PIP5K1B: variants seen among roughly 807,000 people sequenced by gnomAD.
PIP5K1B encodes phosphatidylinositol 4-phosphate 5-kinase type-1 beta.
PIP5K1B carries 42 observed loss-of-function variants against 67.0 expected under a neutral mutation model. The observed-to-expected ratio is 0.63, with a 90% CI of 0.49 to 0.81. The LOEUF (loss-of-function observed/expected upper bound fraction) is 0.81, where lower values mean the gene tolerates loss of function less well. Ranked by LOEUF, PIP5K1B falls within the 30% of genes least tolerant of loss-of-function variation. The probability of loss-of-function intolerance (pLI) is 0.00; values close to 1 mark genes in which losing one functional copy is unlikely to be tolerated. For synonymous variants in PIP5K1B, 214 were observed against 231.4 expected (o/e 0.92, Z 0.68); for missense variants, 459 against 646.3 (o/e 0.71, Z 3.14).
intron 14 of PIP5K1B, among the ~76,000 whole-genome samples, chr9:68,980,788 A>G (rs1052625762): frequency 9.2e-5 from 14 of 152,150 alleles, no homozygotes; most frequent in Non-Finnish European, 1.9e-4. Context: ...TCTTCCCCAC[A>G]TGACAGTTTC....
intron 4 of PIP5K1B, among the ~76,000 whole-genome samples, chr9:68,833,632 G>C (rs1427179105): frequency 6.6e-6 from 1 of 151,890 alleles, no homozygotes; most frequent in Admixed American, 6.5e-5. Flanking sequence ...GAAGCCCTGA[G>C]TTAGAGAAAT....
intron 1 of PIP5K1B, among the ~76,000 whole-genome samples, chr9:68,717,407 A>G (rs1827684440): frequency 6.6e-6 from 1 of 152,204 alleles, no homozygotes; most frequent in Admixed American, 6.5e-5. Context: ...AATAAGAGAA[A>G]AATACCAACT....
intron 14 of PIP5K1B, among the ~76,000 whole-genome samples, chr9:68,979,815 C>G (rs911093817): frequency 2.6e-5 from 4 of 152,200 alleles, no homozygotes; most frequent in Non-Finnish European, 5.9e-5. Context: ...GCCTGCTGCT[C>G]TGCTGCCTTC....
chr9:68,757,858 G>A (rs1025756193), intron 2 of PIP5K1B, among the ~76,000 whole-genome samples: 3 of 152,072 alleles, frequency 2.0e-5, no homozygotes, highest in Non-Finnish European at 2.9e-5. Flanking sequence ...CTCTGCCACC[G>A]AGTGCAGCTA....
intron 2 of PIP5K1B, among the ~76,000 whole-genome samples, chr9:68,815,195 C>G (rs1833375134): frequency 6.6e-6 from 1 of 151,122 alleles, no homozygotes; most frequent in Non-Finnish European, 1.5e-5. Context: ...AAGAACATTT[C>G]ACATCAAAAC....
chr9:68,883,862 A>G (rs1294745636), intron 6 of PIP5K1B, among the ~76,000 whole-genome samples: 1 of 152,162 alleles, frequency 6.6e-6, no homozygotes, highest in African/African-American at 2.4e-5. Flanking sequence ...CCTATAGTCA[A>G]TAGACTTTTG....
intron 7 of PIP5K1B, among the ~76,000 whole-genome samples, chr9:68,889,862 G>T (rs1229693465): frequency 6.6e-6 from 1 of 152,100 alleles, no homozygotes; most frequent in Non-Finnish European, 1.5e-5. Context: ...TTTGCAGCCA[G>T]TACGCAGTAA....
At chr9:68,956,196 C>G (rs544033129) in intron 14 of PIP5K1B, among the ~76,000 whole-genome samples, 19 of 152,302 alleles carry the variant, frequency 1.2e-4, no homozygotes, top group African/African-American at 4.1e-4. Flanking sequence ...ATAGGCCGGG[C>G]AAGGTGGCTC....
rs150243340 is a variant in PIP5K1B, at chr9:68,944,010, T to G, written c.1502+3220T>G. ...AAAAACTCTGATAGCAACCCATTCT[T>G]TTTTTAATGTACTCCAAAAATTGGC... On this transcript the variant is annotated intron_variant, in intron 14 of 15. Coordinates refer to ENST00000265382, the MANE Select transcript of PIP5K1B (RefSeq NM_003558.4). Among the ~76,000 whole-genome samples the G allele has an allele frequency of 1.7e-3, 266 of 152,328 alleles. 2 individuals carry two copies. The highest frequency in any genetic ancestry group is 6.0e-3 in the African/African-American group (250 of 41,572).
chr9:68,974,796 C>G (rs1192781995), intron 14 of PIP5K1B, among the ~76,000 whole-genome samples: 1 of 152,206 alleles, frequency 6.6e-6, no homozygotes, highest in Non-Finnish European at 1.5e-5. Context: ...GAGAGCGAAG[C>G]TGCTTTTCTA....
chr9:68,895,265 TAAAA>T (rs11342436), intron 8 of PIP5K1B, among the ~76,000 whole-genome samples: 1 of 121,114 alleles, frequency 8.3e-6, no homozygotes, highest in Non-Finnish European at 1.7e-5. Flanking sequence ...TGCAATGCTT[TAAAA>T]AAAAAAAAAA....
chr9:68,933,373 A>G (rs1448517841), intron 12 of PIP5K1B, among the ~76,000 whole-genome samples: 2 of 152,222 alleles, frequency 1.3e-5, no homozygotes, highest in Admixed American at 6.5e-5. Context: ...TCCTTGTAAA[A>G]CAAGTGTAAC....
intron 4 of PIP5K1B, among the ~76,000 whole-genome samples, chr9:68,841,231 G>A (rs895438381): frequency 6.6e-6 from 1 of 152,202 alleles, no homozygotes; most frequent in African/African-American, 2.4e-5. Context: ...TGACTGAAAA[G>A]CAAATGTGGC....
At chr9:68,754,502 C>A (rs1363553689) in intron 2 of PIP5K1B, among the ~76,000 whole-genome samples, 1 of 152,062 alleles carries the variant, frequency 6.6e-6, no homozygotes, top group Non-Finnish European at 1.5e-5. Context: ...GTTCTGTACA[C>A]CTATCTTTTG....
At chr9:68,891,127 GGTCCC>G (rs1217373517) in intron 7 of PIP5K1B, among the ~76,000 whole-genome samples, 1 of 152,026 alleles carries the variant, frequency 6.6e-6, no homozygotes, top group African/African-American at 2.4e-5. Flanking sequence ...ACGCACCTGT[GGTCCC>G]AGCTACTTGG....
chr9:68,837,257 G>A (rs1222279522), intron 4 of PIP5K1B, among the ~76,000 whole-genome samples: 2 of 152,198 alleles, frequency 1.3e-5, no homozygotes, highest in African/African-American at 2.4e-5. Flanking sequence ...AAGGGGTTCT[G>A]TGCATTTTAG....
intron 4 of PIP5K1B, among the ~76,000 whole-genome samples, chr9:68,840,332 G>A (rs1318255636): frequency 4.0e-5 from 6 of 150,928 alleles, no homozygotes; most frequent in Non-Finnish European, 4.4e-5. Context: ...AACTGAGATC[G>A]CGCCATTGCA....
intron 2 of PIP5K1B, among the ~76,000 whole-genome samples, chr9:68,815,970 A>G (rs979054243): frequency 6.6e-6 from 1 of 152,210 alleles, no homozygotes; most frequent in African/African-American, 2.4e-5. Context: ...ACAAACTAAC[A>G]TTTGAAGAAG....
At chr9:68,780,208 G>T in intron 2 of PIP5K1B, 1 of 1,537,222 alleles carries the variant, frequency 6.5e-7, no homozygotes. Flanking sequence ...CTGCCTCCGG[G>T]TACGGGCGGG....
Sources: allele counts gnomAD v4.1 joint callset (sites outside exome capture counted in the v4.1 genomes callset), GRCh38; gene constraint gnomAD v4.1.1; transcripts MANE v1.5; gene names NCBI Gene and HGNC (gene_info 2026-07-23, HGNC 2026-07-21).